Variants in SIPA1L1 observed in about 807,000 individuals in gnomAD.
The protein encoded by SIPA1L1 is signal induced proliferation associated 1 like 1.
In SIPA1L1, 26 loss-of-function variants were observed where a neutral mutation model predicts 162.7. The ratio of observed to expected loss-of-function variants is 0.16; its 90% CI spans 0.12 to 0.22. SIPA1L1 has a LOEUF of 0.22. Among genes scored for constraint, SIPA1L1 ranks in the 10% least tolerant of loss-of-function variants. SIPA1L1 has a pLI of 1.00. For synonymous variants in SIPA1L1, 829 were observed against 837.4 expected, an observed-to-expected ratio of 0.99 and a Z score of 0.17; for missense variants, 1,874 against 2,241.0, an observed-to-expected ratio of 0.84 and a Z score of 3.31.
chr14:71,502,536 A>G (rs1242800639), intron 2 of SIPA1L1, among the ~76,000 whole-genome samples: 2 of 151,978 alleles, frequency 1.3e-5, no homozygotes, highest in Non-Finnish European at 2.9e-5. Flanking sequence ...ATGAGCCACC[A>G]TGCCCAGCCT....
chr14:71,678,769 T>C (rs1230316007), intron 12 of SIPA1L1, among the ~76,000 whole-genome samples: 1 of 152,124 alleles, frequency 6.6e-6, no homozygotes, highest in Non-Finnish European at 1.5e-5. Flanking sequence ...CGTCTGGTCC[T>C]GGACTTTTCT....
intron 3 of SIPA1L1, among the ~76,000 whole-genome samples, chr14:71,522,709 T>G (rs1013665425): frequency 6.6e-6 from 1 of 152,164 alleles, no homozygotes; most frequent in African/African-American, 2.4e-5. Flanking sequence ...TTTTTTTTTT[T>G]TTGAGATGGA....
intron 4 of SIPA1L1, among the ~76,000 whole-genome samples, chr14:71,542,697 T>G (rs2054570449): frequency 1.9e-5 from 2 of 107,338 alleles, no homozygotes; most frequent in Non-Finnish European, 3.8e-5. Flanking sequence ...TTCTCCCTTC[T>G]CCTCCTCCCT....
chr14:71,442,857 GC>G (rs1249129365), intron 2 of SIPA1L1, among the ~76,000 whole-genome samples: 3 of 152,156 alleles, frequency 2.0e-5, no homozygotes, highest in Non-Finnish European at 4.4e-5. Flanking sequence ...GATCACTTGA[GC>G]CCAGGAGGTC....
intron 13 of SIPA1L1, among the ~76,000 whole-genome samples, chr14:71,688,562 A>G (rs1337729738): frequency 6.6e-6 from 1 of 152,224 alleles, no homozygotes; most frequent in East Asian, 1.9e-4. Context: ...AGTAAAACAT[A>G]ACTGAAAACT....
intron 5 of SIPA1L1, among the ~76,000 whole-genome samples, chr14:71,599,359 A>G (rs983771426): frequency 7.3e-5 from 11 of 151,460 alleles, no homozygotes; most frequent in African/African-American, 2.7e-4. Context: ...CATGTTGATC[A>G]GGCTGGTCTC....
In SIPA1L1 at chr14:71,468,477, G is replaced by T. The variant is rs145226173; in HGVS notation, c.-464-44266G>T. 2.8e-4 allele frequency among the ~76,000 whole-genome samples: 43 copies of T among 152,274 alleles called. No homozygotes were observed. The East Asian group carries it at 4.8e-3, about 17-fold the overall frequency. ...TCTCACATGGTGAGAATGAGAGCAA[G>T]AGAGAGATTGGCAGGGGTGGGTGCC... On this transcript the variant is annotated intron_variant, in intron 2 of 23. Transcript: ENST00000381232.
intron 2 of SIPA1L1, among the ~76,000 whole-genome samples, chr14:71,473,710 A>G (rs139813924): frequency 6.6e-4 from 101 of 152,330 alleles, no homozygotes; most frequent in African/African-American, 2.3e-3. Context: ...ATATAATGGT[A>G]CTTTAAAAAT....
At chr14:71,603,559 A>C (rs1042341063) in intron 5 of SIPA1L1, among the ~76,000 whole-genome samples, 1 of 152,140 alleles carries the variant, frequency 6.6e-6, no homozygotes, top group Non-Finnish European at 1.5e-5. Flanking sequence ...CCCAGGCTTT[A>C]AGTGATCCTC....
chr14:71,649,254 C>T (rs144683750), intron 7 of SIPA1L1, among the ~76,000 whole-genome samples: 19 of 145,338 alleles, frequency 1.3e-4, no homozygotes, highest in East Asian at 2.0e-4. Flanking sequence ...GTATGTGGTA[C>T]AGTCATGACT....
intron 2 of SIPA1L1, among the ~76,000 whole-genome samples, chr14:71,510,168 C>A (rs1166044597): frequency 2.0e-5 from 3 of 149,240 alleles, no homozygotes; most frequent in Non-Finnish European, 4.4e-5. Context: ...TCCCCTTAAT[C>A]CCCCCCACCT....
Position 71,671,649 on chromosome 14 carries a change from T to C in SIPA1L1, c.2786T>C (p.Phe929Ser). ...ERGECVSVGS[F>S]INIEEIKEIV... is the part of the protein sequence containing the mutation. ...GGAGAATGTGTTTCAGTGGGTAGTT[T>C]TATTAACATTGAGGAGATCAAAGAG... The change falls in exon 11 of 24, where the codon TTT (phenylalanine) becomes TCT (serine). Residue 929 changes from phenylalanine to serine, a missense_variant. This residue lies in a region of SIPA1L1 where 243 missense variants were observed against 315.0 expected (regional missense o/e 0.77). Coordinates refer to ENST00000381232, the MANE Select transcript of SIPA1L1 (RefSeq NM_001386936.1). 6.2e-7 allele frequency: 1 copy of C among 1,612,918 alleles called. No homozygotes were observed. The highest frequency in any genetic ancestry group is 8.5e-7 in the Non-Finnish European group (1 of 1,179,330).
In SIPA1L1 at chr14:71,735,379, A is replaced by G; in HGVS notation, c.5111A>G (p.Lys1704Arg). ...GAGGACCAGGCTCTGGCCCAGATGAAGCCTTACAGCAGGTTGGTCCCAGTG... is the reference window on the plus strand; with the variant it reads ...GAGGACCAGGCTCTGGCCCAGATGAGGCCTTACAGCAGGTTGGTCCCAGTG... Reference protein sequence around the residue: ...QLEDQALAQMKPYSSSKDSSP... With the variant: ...QLEDQALAQMRPYSSSKDSSP... Residue 1704 changes from lysine to arginine, a missense_variant, in exon 22 of 24, where the codon AAG (lysine) becomes AGG (arginine). Lys to Arg is a conservative substitution (Grantham distance 26, BLOSUM62 2). Coordinates refer to ENST00000381232, the MANE Select transcript of SIPA1L1 (RefSeq NM_001386936.1). 1 of 1,612,912 alleles carries G rather than the reference A, an allele frequency of 6.2e-7. No homozygotes were observed. Among genetic ancestry groups the G allele is most frequent in the Non-Finnish European group, 8.5e-7 (1 of 1,178,870 alleles).
chr14:71,352,859 A>G (rs984155000), intron 2 of SIPA1L1, among the ~76,000 whole-genome samples: 2 of 152,234 alleles, frequency 1.3e-5, no homozygotes, highest in Non-Finnish European at 2.9e-5. Flanking sequence ...AAGATTTGGC[A>G]TCTCCTGCCA....
At chr14:71,517,305 T>TAA (rs1261455154) in intron 3 of SIPA1L1, among the ~76,000 whole-genome samples, 1 of 152,178 alleles carries the variant, frequency 6.6e-6, no homozygotes, top group African/African-American at 2.4e-5. Context: ...GTAATGTAAT[T>TAA]AAAAAAATTT....
At chr14:71,596,382 A>G (rs941804774) in intron 5 of SIPA1L1, among the ~76,000 whole-genome samples, 1 of 152,198 alleles carries the variant, frequency 6.6e-6, no homozygotes, top group African/African-American at 2.4e-5. Flanking sequence ...ATTTGAAGGC[A>G]CTGCATCCAG....
At chr14:71,624,334 G>A (rs1048508682) in intron 7 of SIPA1L1, 98 bp downstream of exon 7, 2 of 1,050,920 alleles carry the variant, frequency 1.9e-6, no homozygotes, top group Non-Finnish European at 2.7e-6. Flanking sequence ...GGAGATAATT[G>A]ATACTTTTTA....
chr14:71,637,343 A>G (rs1037394204), intron 7 of SIPA1L1, among the ~76,000 whole-genome samples: 1 of 152,160 alleles, frequency 6.6e-6, no homozygotes, highest in Non-Finnish European at 1.5e-5. Context: ...GAGAGAGTAC[A>G]TTGTACATTC....
At chr14:71,505,273 G>C (rs961528414) in intron 2 of SIPA1L1, among the ~76,000 whole-genome samples, 3 of 152,074 alleles carry the variant, frequency 2.0e-5, no homozygotes, top group Admixed American at 6.6e-5. Context: ...TGTAAGATCT[G>C]TGTCTCTACC....
Sources: allele counts gnomAD v4.1 joint callset (sites outside exome capture counted in the v4.1 genomes callset), GRCh38; gene constraint gnomAD v4.1.1; regional missense constraint gnomAD v4.1.1; transcripts MANE v1.5; gene names NCBI Gene and HGNC (gene_info 2026-07-23, HGNC 2026-07-21).